The following ZNF804B variants were observed in gnomAD, a reference collection of about 807,000 sequenced individuals.
ZNF804B encodes zinc finger protein 804B, also known as zinc finger 804B.
ZNF804B carries 80 observed loss-of-function variants against 101.4 expected under a neutral mutation model. The ratio of observed to expected loss-of-function variants is 0.79; its 90% CI spans 0.66 to 0.95. ZNF804B has a LOEUF of 0.95. Ranked by LOEUF, ZNF804B falls within the 40% of genes least tolerant of loss-of-function variation. The pLI is 0.00. For missense variants in ZNF804B, 1,673 were observed against 1,561.9 expected, an observed-to-expected ratio of 1.07 and a Z score of -1.20; for synonymous variants, 622 against 558.8, an observed-to-expected ratio of 1.11 and a Z score of -1.59.
intron 1 of ZNF804B, among the ~76,000 whole-genome samples, chr7:88,872,937 C>T (rs1459879599): frequency 1.3e-5 from 2 of 151,858 alleles, no homozygotes; most frequent in African/African-American, 2.4e-5. Context: ...TATACGTGTG[C>T]ATGTGTCTTT....
chr7:89,232,148 G>A (rs936944447), intron 2 of ZNF804B, among the ~76,000 whole-genome samples: 5 of 151,998 alleles, frequency 3.3e-5, no homozygotes, highest in African/African-American at 1.2e-4. Flanking sequence ...ACGGGCTTCC[G>A]TTTAGCCAGA....
At chr7:88,795,160 T>G (rs1361836663) in intron 1 of ZNF804B, 3 of 407,612 alleles carry the variant, frequency 7.4e-6, no homozygotes, top group African/African-American at 6.2e-5. Context: ...AAGACAATGT[T>G]AAAACAATAC....
At chr7:89,201,179 C>T (rs1019328336) in intron 1 of ZNF804B, among the ~76,000 whole-genome samples, 2 of 152,010 alleles carry the variant, frequency 1.3e-5, no homozygotes, top group African/African-American at 4.8e-5. Context: ...GCCATCACTG[C>T]AGTTTCACAG....
intron 1 of ZNF804B, among the ~76,000 whole-genome samples, chr7:89,035,430 A>G (rs964040637): frequency 1.3e-5 from 2 of 152,058 alleles, no homozygotes; most frequent in Non-Finnish European, 2.9e-5. Context: ...AAAATGGTGT[A>G]TTTTAAAAAA....
At chr7:88,772,201 C>A (rs1790081100) in intron 1 of ZNF804B, among the ~76,000 whole-genome samples, 1 of 152,004 alleles carries the variant, frequency 6.6e-6, no homozygotes, top group Non-Finnish European at 1.5e-5. Flanking sequence ...GTATAATATC[C>A]CTGGGAGAAT....
chr7:88,970,274 T>C (rs772891515), intron 1 of ZNF804B, among the ~76,000 whole-genome samples: 65 of 151,702 alleles, frequency 4.3e-4, no homozygotes, highest in Non-Finnish European at 8.0e-4. Flanking sequence ...TGTGCCATGG[T>C]GGTTTGCTGC....
chr7:89,222,587 C>T (rs1297429786), intron 2 of ZNF804B, among the ~76,000 whole-genome samples: 1 of 151,894 alleles, frequency 6.6e-6, no homozygotes, highest in Non-Finnish European at 1.5e-5. Flanking sequence ...TCTGCAAATC[C>T]AGAATTTCCT....
chr7:89,160,980 C>A (rs1791052202), intron 1 of ZNF804B, among the ~76,000 whole-genome samples: 1 of 152,138 alleles, frequency 6.6e-6, no homozygotes, highest in South Asian at 2.1e-4. Flanking sequence ...ATTTCCAGAT[C>A]CTTCCAGTCT....
chr7:88,867,470 T>C (rs1791744121), intron 1 of ZNF804B, among the ~76,000 whole-genome samples: 1 of 152,198 alleles, frequency 6.6e-6, no homozygotes, highest in Admixed American at 6.5e-5. Context: ...CAAATTTGCC[T>C]TTTCTCTGCG....
In ZNF804B at chr7:89,219,962, T is replaced by C. The variant is rs545218309; in HGVS notation, c.249+1667T>C. 3.1e-5 allele frequency among the ~76,000 whole-genome samples: 4 copies of C among 129,902 alleles called. No individual in the cohort carries two copies. In the East Asian group the frequency reaches 6.0e-4, roughly 20 times the overall value. The allele number at this position is 129,902 out of a possible 152,430, so 85.2% of individuals were successfully genotyped here. On this transcript the variant is annotated intron_variant, in intron 2 of 3. Transcript: ENST00000333190. ...ATATATATGTATATACATATATGTG[T>C]GCATATATATGTATATACATATGTG...
At chr7:88,831,041 G>T in intron 1 of ZNF804B, among the ~76,000 whole-genome samples, 1 of 151,760 alleles carries the variant, frequency 6.6e-6, no homozygotes, top group Non-Finnish European at 1.5e-5. Context: ...TTTTTGAAAA[G>T]ATAACAGTTG....
intron 1 of ZNF804B, among the ~76,000 whole-genome samples, chr7:88,935,324 A>C (rs1466316164): frequency 6.6e-6 from 1 of 151,100 alleles, no homozygotes; most frequent in Non-Finnish European, 1.5e-5. Flanking sequence ...TACTCATGTA[A>C]CCAAAAACTA....
At chr7:88,818,134 T>A (rs1195733004) in intron 1 of ZNF804B, among the ~76,000 whole-genome samples, 1 of 152,212 alleles carries the variant, frequency 6.6e-6, no homozygotes, top group African/African-American at 2.4e-5. Flanking sequence ...CCCTGGAACC[T>A]ATTTTTAAAA....
intron 1 of ZNF804B, among the ~76,000 whole-genome samples, chr7:89,160,174 G>A (rs1156396967): frequency 6.6e-6 from 1 of 151,882 alleles, no homozygotes; most frequent in East Asian, 1.9e-4. Flanking sequence ...TTTTAATTTG[G>A]CCAAGAAAAC....
rs1788980990 is a variant in ZNF804B at position 89,220,155 on chromosome 7, A to ATATGTGCGTGTATATACATG, written c.249+1863_249+1864insGTGCGTGTATATACATGTAT. ...CACATATATGTGTGTATATACATATATATATACGCACATATATATGTGTGT... is the reference window on the plus strand; with the variant it reads ...CACATATATGTGTGTATATACATATATATGTGCGTGTATATACATGTATATACGCACATATATATGTGTGT... On this transcript the variant is annotated intron_variant, in intron 2 of 3. Coordinates refer to ENST00000333190, the MANE Select transcript of ZNF804B (RefSeq NM_181646.5). 1.6e-4 allele frequency among the ~76,000 whole-genome samples: 15 copies of ATATGTGCGTGTATATACATG among 93,066 alleles called. 1 individual carries two copies. The highest frequency in any genetic ancestry group is 7.0e-4 in the South Asian group (2 of 2,850). The allele number at this position is 93,066 out of a possible 152,430, so 61.1% of individuals were successfully genotyped here. A position where few individuals can be genotyped will look rare whatever the true frequency, so the allele number is the denominator to read the frequency against.
chr7:89,252,148 A>C (rs1789551268), intron 2 of ZNF804B, among the ~76,000 whole-genome samples: 1 of 152,190 alleles, frequency 6.6e-6, no homozygotes, highest in Admixed American at 6.6e-5. Flanking sequence ...AGTATTCGCA[A>C]ACTGTGCATC....
In ZNF804B at chr7:88,899,775, C is replaced by G. The variant is rs534163988; in HGVS notation, c.108+139691C>G. Among the ~76,000 whole-genome samples, 37 of 152,162 alleles carry G rather than the reference C, an allele frequency of 2.4e-4. No homozygotes were observed. The South Asian group carries it at 4.4e-3, about 18-fold the overall frequency. ...TCCCAGGACCATCATCCTCAGATAC[C>G]CATATCTCCTTCTATGTACTAAAAT... On this transcript the variant is annotated intron_variant, in intron 1 of 3. Coordinates refer to ENST00000333190, the MANE Select transcript of ZNF804B (RefSeq NM_181646.5).
intron 2 of ZNF804B, among the ~76,000 whole-genome samples, chr7:89,312,540 T>A (rs1790661856): frequency 6.6e-6 from 1 of 152,166 alleles, no homozygotes; most frequent in Non-Finnish European, 1.5e-5. Flanking sequence ...AGAGCAAGAG[T>A]CACATCAGAG....
chr7:89,217,854 A>G (rs1446020573), intron 1 of ZNF804B, among the ~76,000 whole-genome samples: 1 of 152,168 alleles, frequency 6.6e-6, no homozygotes, highest in Non-Finnish European at 1.5e-5. Context: ...TGGAGGATAT[A>G]AAGAAGAATG....
Sources: allele counts gnomAD v4.1 joint callset (sites outside exome capture counted in the v4.1 genomes callset), GRCh38; gene constraint gnomAD v4.1.1; transcripts MANE v1.5; gene names NCBI Gene and HGNC (gene_info 2026-07-23, HGNC 2026-07-21).